The following LRRCC1 variants were observed in gnomAD, a reference collection of about 807,000 sequenced individuals.
LRRCC1 encodes the protein leucine rich repeat and coiled-coil centrosomal protein 1.
Under a neutral mutation model 126.0 loss-of-function variants are expected in LRRCC1, and 115 were observed. The ratio of observed to expected loss-of-function variants is 0.91; its 90% CI spans 0.78 to 1.07. The LOEUF (loss-of-function observed/expected upper bound fraction) is 1.07, where lower values mean the gene tolerates loss of function less well. Ranked by LOEUF, LRRCC1 falls within the 50% of genes least tolerant of loss-of-function variation. LRRCC1 has a pLI of 0.00. For missense variants in LRRCC1, 1,172 were observed against 1,175.7 expected (o/e 1.00, Z 0.05); for synonymous variants, 400 against 393.4 (o/e 1.02, Z -0.20).
chr8:85,119,109 G>GA (rs969878930), intron 6 of LRRCC1, among the ~76,000 whole-genome samples: 28 of 147,690 alleles, frequency 1.9e-4, no homozygotes, highest in Admixed American at 1.2e-3. Context: ...TGAATTTCTT[G>GA]AAAAAAAAAA....
At chr8:85,139,300 T>C (rs369987189) in intron 17 of LRRCC1, among the ~76,000 whole-genome samples, 1 of 152,054 alleles carries the variant, frequency 6.6e-6, no homozygotes, top group East Asian at 1.9e-4. Context: ...GTTTCATTCT[T>C]ATTGCCCAGG....
intron 11 of LRRCC1, among the ~76,000 whole-genome samples, chr8:85,130,842 T>C (rs1176169955): frequency 1.3e-5 from 2 of 152,184 alleles, no homozygotes; most frequent in African/African-American, 4.8e-5. Context: ...AAAGTAGCCA[T>C]AGATAATACA....
At chr8:85,112,900 G>A (rs544664339) in intron 3 of LRRCC1, 32 bp from the exon 4 acceptor site, 1 of 1,491,450 alleles carries the variant, frequency 6.7e-7, no homozygotes, top group South Asian at 1.3e-5. Context: ...GACTATTGCT[G>A]TGGCATTTAA....
In LRRCC1 at chr8:85,138,407, G is replaced by T; in HGVS notation, c.2772G>T (p.Val924=). The T allele has an allele frequency of 6.2e-7, 1 of 1,612,414 alleles. No homozygotes were observed. The highest frequency in any genetic ancestry group is 8.5e-7 in the Non-Finnish European group (1 of 1,179,230). ...ATCTTGAAACACAAGTAAAAGAAGTGAAAGAAAAATTTGAAAACAAGGAAA... is the reference window on the plus strand; with the variant it reads ...ATCTTGAAACACAAGTAAAAGAAGTTAAAGAAAAATTTGAAAACAAGGAAA... ...LCHLETQVKE[V]KEKFENKEKK... Residue 924 remains valine, a synonymous_variant, in exon 17 of 19, where the codon GTG becomes GTT. Coordinates refer to ENST00000360375, the MANE Select transcript of LRRCC1 (RefSeq NM_033402.5).
intron 6 of LRRCC1, among the ~76,000 whole-genome samples, chr8:85,117,874 T>A (rs1809242238): frequency 6.6e-6 from 1 of 152,148 alleles, no homozygotes; most frequent in Non-Finnish European, 1.5e-5. Flanking sequence ...ATACTAAGCA[T>A]GCATATCATT....
intron 18 of LRRCC1, among the ~76,000 whole-genome samples, chr8:85,145,117 G>GTATATATA (rs10647086): frequency 0.11 from 15,882 of 142,970 alleles, 982 homozygotes; most frequent in African/African-American, 0.17. Flanking sequence ...ATATATGTGT[G>GTATATATA]TATATATATA....
In LRRCC1 at chr8:85,145,619, A is replaced by T; in HGVS notation, c.*108A>T. 1.6e-5 allele frequency: 13 copies of T among 831,014 alleles called. 1 individual carries two copies. The South Asian group carries it at 2.9e-4, about 18-fold the overall frequency. 51.5% of individuals were successfully genotyped at this position (831,014 alleles called of 1,614,324 possible). A position where few individuals can be genotyped will look rare whatever the true frequency, so the allele number is the denominator to read the frequency against. ...ATGACTTTGAAATGTCTCTTTCTAT[A>T]CATTTCATTATGAATATATTTTTAA... is the stretch of plus-strand genomic sequence containing the variant. On this transcript the variant is annotated 3_prime_UTR_variant, in exon 19 of 19. Transcript: ENST00000360375.
At chr8:85,126,042 G>A (rs925089496) in intron 8 of LRRCC1, among the ~76,000 whole-genome samples, 2 of 152,090 alleles carry the variant, frequency 1.3e-5, no homozygotes, top group African/African-American at 4.8e-5. Context: ...AAGTTTGTTC[G>A]AGATTAGATC....
rs138712661 is a variant in LRRCC1, at chr8:85,114,281, A to T, written c.545-819A>T. ...AAGAACCTCTGGTTTCTACAATTTGAATCTTTGTTTTTCACTTTTTTTCCT... is the reference window on the plus strand; with the variant it reads ...AAGAACCTCTGGTTTCTACAATTTGTATCTTTGTTTTTCACTTTTTTTCCT... On this transcript the variant is annotated intron_variant, in intron 4 of 18. Coordinates refer to ENST00000360375, the MANE Select transcript of LRRCC1 (RefSeq NM_033402.5). Among the ~76,000 whole-genome samples, 488 of 151,394 alleles carry T rather than the reference A, an allele frequency of 3.2e-3. 3 individuals carry two copies. Among genetic ancestry groups the T allele is most frequent in the African/African-American group, 0.011 (474 of 41,314 alleles).
chr8:85,118,014 G>A (rs1809252213), intron 6 of LRRCC1, among the ~76,000 whole-genome samples: 1 of 151,988 alleles, frequency 6.6e-6, no homozygotes, highest in African/African-American at 2.4e-5. Flanking sequence ...GTTCCCTTAT[G>A]GCCTCTCTGA....
chr8:85,122,779 T>C (rs1238897460), intron 6 of LRRCC1, among the ~76,000 whole-genome samples: 1 of 152,236 alleles, frequency 6.6e-6, no homozygotes, highest in Non-Finnish European at 1.5e-5. Context: ...AATTTTGAAG[T>C]ACGTCCTGGA....
chr8:85,116,622 C>T (rs560588544), intron 6 of LRRCC1, among the ~76,000 whole-genome samples: 1 of 152,226 alleles, frequency 6.6e-6, no homozygotes, highest in East Asian at 1.9e-4. Flanking sequence ...GATCCTCCCA[C>T]CTCAGCCTCC....
At chr8:85,139,003 A>ATGGAT (rs1811065111) in intron 17 of LRRCC1, among the ~76,000 whole-genome samples, 4 of 152,096 alleles carry the variant, frequency 2.6e-5, no homozygotes, top group Non-Finnish European at 5.9e-5. Flanking sequence ...CTGAGATCAC[A>ATGGAT]CCATTGCACT....
intron 6 of LRRCC1, among the ~76,000 whole-genome samples, chr8:85,116,012 A>G (rs910106417): frequency 2.6e-5 from 4 of 152,242 alleles, no homozygotes; most frequent in African/African-American, 7.2e-5. Context: ...GTTAATTTAC[A>G]TAGTTCCTGT....
rs148527993 is a variant in LRRCC1 at position 85,132,041 on chromosome 8, T to C, written c.1968+80T>C. ...GATGAGAGGACTTGTTTTAGAAACATAGCTGTATTAAATGTTGGCTTCATA... is the reference window on the plus strand; with the variant it reads ...GATGAGAGGACTTGTTTTAGAAACACAGCTGTATTAAATGTTGGCTTCATA... On this transcript the variant is annotated intron_variant, in intron 12 of 18. Coordinates refer to ENST00000360375, the MANE Select transcript of LRRCC1 (RefSeq NM_033402.5). The C allele has an allele frequency of 2.6e-6, 3 of 1,167,690 alleles. No individual in the cohort carries two copies. In the East Asian group the frequency reaches 7.2e-5, roughly 28 times the overall value. 72.3% of individuals were successfully genotyped at this position (1,167,690 alleles called of 1,614,324 possible).
At chr8:85,107,592 G>A in intron 1 of LRRCC1, 193 bp downstream of exon 1, 1 of 488,384 alleles carries the variant, frequency 2.0e-6, no homozygotes, top group South Asian at 3.6e-5. Flanking sequence ...AGCCGTGGAT[G>A]CCTTCCCGCC....
At position 85,129,365 on chromosome 8, in the gene LRRCC1, C is replaced by G. The variant is rs772033961; in HGVS notation, c.1612C>G (p.Gln538Glu). ...AAAAATGGAGAGACAAAAAAGGCAG[C>G]AGCAGGCAGCACAGGTATTTCTCTA... The part of the protein sequence containing the change: ...LEKMERQKRQ[Q>E]QAAQIRLIQE... The change falls in exon 10 of 19, where the codon CAG becomes GAG. Residue 538 changes from glutamine to glutamate, a missense_variant. Gln to Glu is a conservative substitution (Grantham distance 29). Transcript: ENST00000360375. 1.9e-6 allele frequency: 3 copies of G among 1,610,734 alleles called. No individual in the cohort carries two copies. The African/African-American group carries it at 4.0e-5, about 22-fold the overall frequency.
At position 85,135,843 on chromosome 8, in the gene LRRCC1, C is replaced by G; in HGVS notation, c.2209C>G (p.Gln737Glu). The G allele has an allele frequency of 6.3e-7, 1 of 1,598,586 alleles. No individual in the cohort carries two copies. Among genetic ancestry groups the G allele is most frequent in the Non-Finnish European group, 8.5e-7 (1 of 1,172,040 alleles). ...LIEDDKQKSI[Q>E]IELLKHEKVQ... ...TGAAGATGACAAGCAGAAGAGTATT[C>G]AAATAGAACTTCTCAAGCACGAAAA... is the stretch of plus-strand genomic sequence containing the variant. Residue 737 changes from glutamine to glutamate, a missense_variant, in exon 14 of 19, where the codon CAA (glutamine) becomes GAA (glutamate). Physicochemically the swap from Gln to Glu is conservative, Grantham distance 29. Transcript: ENST00000360375.
chr8:85,129,454 C>A, intron 10 of LRRCC1, 75 bp downstream of exon 10: 1 of 1,271,786 alleles, frequency 7.9e-7, no homozygotes, highest in Non-Finnish European at 1.1e-6. Context: ...ACAAATTATA[C>A]TACCTAGAAA....
Sources: gnomAD v4.1 joint callset for allele counts (sites outside exome capture counted in the v4.1 genomes callset) on GRCh38, gnomAD v4.1.1 for gene constraint, MANE v1.5 for transcripts, NCBI Gene and HGNC (gene_info 2026-07-23, HGNC 2026-07-21) for gene names.